The following NEK11 variants were observed in gnomAD, a reference collection of about 807,000 sequenced individuals.
NEK11 encodes NIMA related kinase 11.
Under a neutral mutation model 80.7 loss-of-function variants are expected in NEK11, and 72 were observed. The observed-to-expected ratio is 0.89, with a 90% CI of 0.74 to 1.08. The LOEUF (loss-of-function observed/expected upper bound fraction) is 1.08. Among genes scored for constraint, NEK11 ranks in the 50% least tolerant of loss-of-function variants. The probability of loss-of-function intolerance (pLI) is 0.00; values close to 1 mark genes in which losing one functional copy is unlikely to be tolerated. For synonymous variants in NEK11, 251 were observed against 260.7 expected (o/e 0.96, Z 0.36); for missense variants, 764 against 763.6 (o/e 1.00, Z -0.01).
At chr3:131,325,397 T>G (rs1386438675) in intron 17 of NEK11, 2 of 152,160 alleles carry the variant, frequency 1.3e-5, no homozygotes, top group African/African-American at 4.8e-5. Flanking sequence ...TTTTTTTAAT[T>G]CTTGGTGGTG....
intron 3 of NEK11, among the ~76,000 whole-genome samples, chr3:131,068,431 A>G (rs2072486071): frequency 6.6e-6 from 1 of 152,222 alleles, no homozygotes; most frequent in South Asian, 2.1e-4. Context: ...TTCAAGTATC[A>G]CACTTTTTGA....
At chr3:131,255,884 C>A (rs1448253310) in intron 16 of NEK11, among the ~76,000 whole-genome samples, 1 of 152,146 alleles carries the variant, frequency 6.6e-6, no homozygotes, top group Non-Finnish European at 1.5e-5. Flanking sequence ...GGCAAATGCC[C>A]AGCTGTAACC....
chr3:131,081,887 C>A (rs1039373399), intron 4 of NEK11, among the ~76,000 whole-genome samples: 1 of 152,152 alleles, frequency 6.6e-6, no homozygotes, highest in East Asian at 1.9e-4. Context: ...GGGATAGCAG[C>A]GAGAACAACC....
intron 14 of NEK11, among the ~76,000 whole-genome samples, chr3:131,228,054 T>G (rs2095248197): frequency 6.6e-6 from 1 of 152,166 alleles, no homozygotes; most frequent in Non-Finnish European, 1.5e-5. Flanking sequence ...CCTATTCATC[T>G]TGTTTGGTCC....
intron 17 of NEK11, among the ~76,000 whole-genome samples, chr3:131,290,893 G>A (rs895823775): frequency 1.7e-4 from 26 of 152,146 alleles, no homozygotes; most frequent in Middle Eastern, 3.4e-3. Flanking sequence ...TCAATGTCCT[G>A]CACCAAGATG....
intron 17 of NEK11, among the ~76,000 whole-genome samples, chr3:131,297,979 T>C (rs903350651): frequency 6.6e-6 from 1 of 151,730 alleles, no homozygotes; most frequent in Admixed American, 6.6e-5. Context: ...GTTGTAGATA[T>C]GCGGCGTTAT....
Position 131,173,798 on chromosome 3 carries a change from C to A in NEK11, c.1399+2911C>A, listed in dbSNP as rs556515257. ...AACCCAAGCTATGTCCTTCTTACCT[C>A]TCATTTTGTCTTTTGTCATGGAGGT... On this transcript the variant is annotated intron_variant, in intron 14 of 17. Transcript: ENST00000383366. Among the ~76,000 whole-genome samples the A allele has an allele frequency of 1.2e-4, 18 of 152,164 alleles. No homozygotes were observed. In the South Asian group the frequency reaches 3.7e-3, roughly 32 times the overall value.
At chr3:131,269,972 C>T (rs1419822727) in intron 16 of NEK11, among the ~76,000 whole-genome samples, 1 of 152,220 alleles carries the variant, frequency 6.6e-6, no homozygotes, top group Non-Finnish European at 1.5e-5. Context: ...AAGACATCTA[C>T]CTGGGAAGGT....
At chr3:131,041,314 G>A (rs1200064351) in intron 3 of NEK11, among the ~76,000 whole-genome samples, 1 of 152,154 alleles carries the variant, frequency 6.6e-6, no homozygotes. Flanking sequence ...AAACATTTGG[G>A]TGTTCCATAT....
chr3:131,335,398 G>A (rs1193593049), intron 17 of NEK11, among the ~76,000 whole-genome samples: 1 of 152,150 alleles, frequency 6.6e-6, no homozygotes, highest in East Asian at 1.9e-4. Context: ...TGCAGAAAAG[G>A]CCTTTGACAA....
intron 14 of NEK11, among the ~76,000 whole-genome samples, chr3:131,197,479 A>C (rs540955439): frequency 3.3e-5 from 5 of 152,158 alleles, no homozygotes; most frequent in Non-Finnish European, 7.4e-5. Flanking sequence ...AGGAGGTTAA[A>C]GATACAGGGA....
intron 4 of NEK11, among the ~76,000 whole-genome samples, chr3:131,087,639 A>G (rs2149106876): frequency 6.6e-6 from 1 of 152,186 alleles, no homozygotes; most frequent in East Asian, 1.9e-4. Flanking sequence ...ATTTCCTCAT[A>G]TGTTTCTTTT....
chr3:131,288,517 AT>A (rs1283476326), intron 17 of NEK11, among the ~76,000 whole-genome samples: 1 of 133,378 alleles, frequency 7.5e-6, no homozygotes, highest in Non-Finnish European at 1.5e-5. Context: ...CAATGGGGTG[AT>A]CTAGGCTCAC....
At chr3:131,158,319 A>G (rs2091037558) in intron 10 of NEK11, among the ~76,000 whole-genome samples, 1 of 152,060 alleles carries the variant, frequency 6.6e-6, no homozygotes, top group Admixed American at 6.5e-5. Flanking sequence ...TGGCATCTAT[A>G]TACATGGGCA....
intron 15 of NEK11, among the ~76,000 whole-genome samples, chr3:131,241,692 GT>G (rs954270171): frequency 4.1e-4 from 63 of 151,868 alleles, no homozygotes; most frequent in African/African-American, 1.4e-3. Flanking sequence ...ACATTGTACT[GT>G]TTTTTTGTGT....
chr3:131,333,537 G>T (rs1015810849), intron 17 of NEK11, among the ~76,000 whole-genome samples: 2 of 152,098 alleles, frequency 1.3e-5, no homozygotes, highest in African/African-American at 4.8e-5. Context: ...AGACCATCGA[G>T]GCTAGGAAGA....
rs775771307 is a variant in NEK11, at chr3:131,215,875, G to A, written c.1400-12653G>A. Among the ~76,000 whole-genome samples, 23 of 152,180 alleles carry A rather than the reference G, an allele frequency of 1.5e-4. 1 individual carries two copies. Among genetic ancestry groups the A allele is most frequent in the Admixed American group, 4.6e-4 (7 of 15,282 alleles). On this transcript the variant is annotated intron_variant, in intron 14 of 17. Transcript: ENST00000383366. ...AAAGAAATCTGGCCAAACTGAAAGC[G>A]GAGGCTGTGCCCCTCTATTTAGAGA...
At chr3:131,342,150 A>T (rs1458071275) in intron 17 of NEK11, among the ~76,000 whole-genome samples, 41 of 152,216 alleles carry the variant, frequency 2.7e-4, no homozygotes, top group Admixed American at 2.6e-3. Context: ...GCTGCAGGCT[A>T]TGGAAGCCTC....
intron 14 of NEK11, among the ~76,000 whole-genome samples, chr3:131,179,419 A>G (rs2093224066): frequency 6.6e-6 from 1 of 152,226 alleles, no homozygotes; most frequent in Non-Finnish European, 1.5e-5. Context: ...GCTGGAAGTA[A>G]GGAGTTGCAC....
Sources: gnomAD v4.1 joint callset for allele counts (sites outside exome capture counted in the v4.1 genomes callset) on GRCh38, gnomAD v4.1.1 for gene constraint, MANE v1.5 for transcripts, NCBI Gene and HGNC (gene_info 2026-07-23, HGNC 2026-07-21) for gene names.